The following STYXL1 variants were observed in gnomAD, a reference collection of about 807,000 sequenced individuals.
The protein encoded by STYXL1 is serine/threonine/tyrosine interacting like 1, also known as serine/threonine/tyrosine-interacting-like protein 1.
In STYXL1, 32 loss-of-function variants were observed where a neutral mutation model predicts 36.4. That is an observed-to-expected ratio of 0.88 (90% CI 0.66 to 1.18). The LOEUF (loss-of-function observed/expected upper bound fraction) is 1.18. STYXL1 is among the 50% of genes most tolerant of loss of function. STYXL1 has a pLI of 0.00. For synonymous variants in STYXL1, 133 were observed against 144.1 expected (o/e 0.92, Z 0.55); for missense variants, 354 against 394.1 (o/e 0.90, Z 0.86).
At chr7:76,002,996 G>A (rs1414113594) in intron 7 of STYXL1, among the ~76,000 whole-genome samples, 2 of 152,216 alleles carry the variant, frequency 1.3e-5, no homozygotes, top group African/African-American at 4.8e-5. Flanking sequence ...AGTGGCTCAG[G>A]CCAGGAGCTG....
intron 3 of STYXL1, among the ~76,000 whole-genome samples, chr7:76,024,598 G>A (rs1306306697): frequency 6.6e-6 from 1 of 151,396 alleles, no homozygotes; most frequent in Non-Finnish European, 1.5e-5. Context: ...GCCTAAGCGA[G>A]AGAGTGAGAC....
At position 76,039,238 on chromosome 7, in the gene STYXL1, C is replaced by T. The variant is rs560330584; in HGVS notation, c.-5+8424G>A. ...GGCGTGAGTCACCGCACCCGGCCAA[C>T]TAATTTTTTTTAGTTTCTGTAGAGT... On this transcript the variant is annotated intron_variant, in intron 1 of 8. Coordinates refer to ENST00000359697, the MANE Select transcript of STYXL1 (RefSeq NM_001317785.2). Among the ~76,000 whole-genome samples the T allele has an allele frequency of 3.6e-4, 54 of 149,144 alleles. 9 individuals are homozygous for T. Among genetic ancestry groups the T allele is most frequent in the African/African-American group, 1.3e-3 (52 of 38,724 alleles).
chr7:76,022,040 G>A (rs1392740594), intron 3 of STYXL1, 48 bp from the exon 4 acceptor site: 21 of 1,583,740 alleles, frequency 1.3e-5, no homozygotes, highest in Non-Finnish European at 1.7e-5. Context: ...TTGGTGGGCA[G>A]GTTCGGTTGA....
intron 5 of STYXL1, among the ~76,000 whole-genome samples, chr7:76,009,737 TCTTA>T (rs1347697784): frequency 6.6e-6 from 1 of 152,160 alleles, no homozygotes; most frequent in African/African-American, 2.4e-5. Flanking sequence ...GTAAACAAGG[TCTTA>T]CTATGTTGCC....
chr7:76,046,377 G>A (rs1797083932), intron 1 of STYXL1, among the ~76,000 whole-genome samples: 1 of 145,210 alleles, frequency 6.9e-6, no homozygotes, highest in African/African-American at 2.6e-5. Context: ...CCGGAGTTTA[G>A]CTCTTATCAC....
intron 1 of STYXL1, among the ~76,000 whole-genome samples, chr7:76,043,496 C>A (rs1212143838): frequency 2.6e-5 from 4 of 151,638 alleles, no homozygotes; most frequent in South Asian, 2.1e-4. Flanking sequence ...GGAAAATGGA[C>A]CAATGGCATG....
At chr7:76,024,996 CA>C (rs1460674842) in intron 3 of STYXL1, among the ~76,000 whole-genome samples, 4 of 141,854 alleles carry the variant, frequency 2.8e-5, no homozygotes, top group Non-Finnish European at 6.1e-5. Flanking sequence ...ATTCTGTTTT[CA>C]AAAAAAAGTT....
intron 4 of STYXL1, among the ~76,000 whole-genome samples, chr7:76,021,117 G>A (rs1330208885): frequency 3.4e-5 from 5 of 147,596 alleles, no homozygotes; most frequent in Non-Finnish European, 7.4e-5. Context: ...TCGCTCTGTC[G>A]CCCAGGCTGG....
chr7:76,001,112 A>T, intron 7 of STYXL1, 110 bp from the exon 8 acceptor site: 1 of 801,370 alleles, frequency 1.2e-6, no homozygotes, highest in East Asian at 2.5e-5. Flanking sequence ...TGAGTTCAAA[A>T]CCAGCCCACG....
intron 5 of STYXL1, 49 bp from the exon 6 acceptor site, chr7:76,005,453 G>T: frequency 6.5e-7 from 1 of 1,531,552 alleles, no homozygotes. Context: ...CCTCAGGGAA[G>T]AGGGATGTCT....
chr7:76,039,472 G>C (rs1796267825), intron 1 of STYXL1, among the ~76,000 whole-genome samples: 1 of 152,132 alleles, frequency 6.6e-6, no homozygotes, highest in African/African-American at 2.4e-5. Flanking sequence ...GGGTAATACA[G>C]TCCCAGGTCA....
At chr7:76,027,498 T>A (rs1439881881) in intron 3 of STYXL1, among the ~76,000 whole-genome samples, 2 of 151,012 alleles carry the variant, frequency 1.3e-5, no homozygotes, top group Non-Finnish European at 3.0e-5. Flanking sequence ...TTGGCACAAG[T>A]CTGCAGTCCC....
At chr7:76,013,486 A>G (rs1792860569) in intron 5 of STYXL1, among the ~76,000 whole-genome samples, 1 of 151,282 alleles carries the variant, frequency 6.6e-6, no homozygotes, top group Non-Finnish European at 1.5e-5. Flanking sequence ...GTACAGTGGC[A>G]TGATCTTGGC....
chr7:76,037,465 G>C (rs1403734578), intron 1 of STYXL1, among the ~76,000 whole-genome samples: 1 of 149,990 alleles, frequency 6.7e-6, no homozygotes, highest in African/African-American at 2.4e-5. Flanking sequence ...CTATATTTGG[G>C]GAAAACAGCC....
chr7:76,047,038 G>A (rs1263990397), intron 1 of STYXL1, among the ~76,000 whole-genome samples: 6 of 151,082 alleles, frequency 4.0e-5, no homozygotes, highest in Non-Finnish European at 5.9e-5. Flanking sequence ...GAGGCGGGTG[G>A]ATCACGAGGT....
chr7:76,004,643 G>T (rs113881522), intron 6 of STYXL1, among the ~76,000 whole-genome samples: 2 of 151,766 alleles, frequency 1.3e-5, no homozygotes, highest in Non-Finnish European at 2.9e-5. Flanking sequence ...GGCGGAGGTT[G>T]CAGTGAGCCA....
chr7:76,029,730 G>A (rs1795112961), intron 2 of STYXL1, among the ~76,000 whole-genome samples: 1 of 152,154 alleles, frequency 6.6e-6, no homozygotes, highest in Admixed American at 6.6e-5. Context: ...CAGATCATCA[G>A]GCATTAGATT....
At chr7:76,017,007 GTATT>G (rs1240368400) in intron 4 of STYXL1, among the ~76,000 whole-genome samples, 6 of 152,146 alleles carry the variant, frequency 3.9e-5, no homozygotes, top group East Asian at 3.9e-4. Flanking sequence ...ACAACGGATT[GTATT>G]TATTTATTTA....
At chr7:76,042,744 C>T (rs932755707) in intron 1 of STYXL1, among the ~76,000 whole-genome samples, 1 of 152,012 alleles carries the variant, frequency 6.6e-6, no homozygotes, top group African/African-American at 2.4e-5. Context: ...GGATAAGCAC[C>T]CTCTGATCTC....
Sources: gnomAD v4.1 joint callset for allele counts (sites outside exome capture counted in the v4.1 genomes callset) on GRCh38, gnomAD v4.1.1 for gene constraint, MANE v1.5 for transcripts, NCBI Gene and HGNC (gene_info 2026-07-23, HGNC 2026-07-21) for gene names.